The following ARHGAP15 variants were observed in gnomAD, a reference collection of about 807,000 sequenced individuals.
The protein encoded by ARHGAP15 is rho GTPase-activating protein 15.
ARHGAP15 carries 51 observed loss-of-function variants against 63.7 expected under a neutral mutation model. That is an observed-to-expected ratio of 0.80 (90% confidence interval 0.64 to 1.01). The LOEUF (loss-of-function observed/expected upper bound fraction) is 1.01, where lower values mean the gene tolerates loss of function less well. Ranked by LOEUF, ARHGAP15 falls within the 50% of genes least tolerant of loss-of-function variation. The pLI is 0.00. For synonymous variants in ARHGAP15, 191 were observed against 193.8 expected (o/e 0.99, Z 0.12); for missense variants, 560 against 564.6 (o/e 0.99, Z 0.08).
At chr2:143,371,581 G>T (rs559011373) in intron 6 of ARHGAP15, among the ~76,000 whole-genome samples, 1 of 152,118 alleles carries the variant, frequency 6.6e-6, no homozygotes, top group Non-Finnish European at 1.5e-5. Flanking sequence ...GTTTCATCTG[G>T]TTTGATTTGG....
At chr2:143,223,611 C>T (rs892695047) in intron 4 of ARHGAP15, among the ~76,000 whole-genome samples, 1 of 152,108 alleles carries the variant, frequency 6.6e-6, no homozygotes, top group Admixed American at 6.5e-5. Flanking sequence ...ATAAAGGGCT[C>T]GCAGTTCAGC....
Position 143,216,463 on chromosome 2 carries a change from T to C in ARHGAP15, c.296+18T>C. The C allele has an allele frequency of 6.4e-7, 1 of 1,551,366 alleles. No homozygotes were observed. Among genetic ancestry groups the C allele is most frequent in the Non-Finnish European group, 8.9e-7 (1 of 1,128,266 alleles). ...AAACTAAGGTAATAAAATTCTTTAA[T>C]TCACTTTTATATAACTATGCTGGTT... On this transcript the variant is annotated intron_variant, in intron 4 of 13. Transcript: ENST00000295095.
intron 1 of ARHGAP15, among the ~76,000 whole-genome samples, chr2:143,148,779 C>T (rs1405033120): frequency 6.6e-6 from 1 of 151,974 alleles, no homozygotes; most frequent in Non-Finnish European, 1.5e-5. Flanking sequence ...ATTTTTGAAA[C>T]TGAGTTTTAT....
chr2:143,286,176 A>T (rs1682088243), intron 6 of ARHGAP15, among the ~76,000 whole-genome samples: 2 of 152,184 alleles, frequency 1.3e-5, no homozygotes, highest in Admixed American at 1.3e-4. Context: ...CTTTTGTGAA[A>T]AGTGGTGTTA....
At chr2:143,756,608 T>C (rs1418576919) in intron 13 of ARHGAP15, among the ~76,000 whole-genome samples, 1 of 151,574 alleles carries the variant, frequency 6.6e-6, no homozygotes, top group Non-Finnish European at 1.5e-5. Context: ...TAAATGCAAA[T>C]GGCTAAAACC....
intron 12 of ARHGAP15, among the ~76,000 whole-genome samples, chr2:143,683,226 T>C (rs1354942164): frequency 6.6e-6 from 1 of 151,958 alleles, no homozygotes; most frequent in African/African-American, 2.4e-5. Flanking sequence ...CTATTATTCA[T>C]TTAAATTGAG....
intron 6 of ARHGAP15, among the ~76,000 whole-genome samples, chr2:143,272,677 T>C (rs2105056035): frequency 6.6e-6 from 1 of 152,102 alleles, no homozygotes; most frequent in African/African-American, 2.4e-5. Flanking sequence ...ATTCTAGAAA[T>C]GCATTAGCTG....
At position 143,306,966 on chromosome 2, in the gene ARHGAP15, A is replaced by T. The variant is rs543125542; in HGVS notation, c.474+56366A>T. ...CTGCTCAGGGTCTCACGAAGTTGCT[A>T]TGAAGTCGTCAGTGGGGCTGTGATC... On this transcript the variant is annotated intron_variant, in intron 6 of 13. Transcript: ENST00000295095. 4.6e-5 allele frequency among the ~76,000 whole-genome samples: 7 copies of T among 152,208 alleles called. No homozygotes were observed. The East Asian group carries it at 1.4e-3, about 29-fold the overall frequency.
At chr2:143,631,040 G>A (rs557291083) in intron 12 of ARHGAP15, among the ~76,000 whole-genome samples, 2 of 151,932 alleles carry the variant, frequency 1.3e-5, no homozygotes, top group African/African-American at 4.8e-5. Context: ...TGTCACTATC[G>A]ATACATTTAC....
intron 1 of ARHGAP15, among the ~76,000 whole-genome samples, chr2:143,152,728 A>G (rs1166446008): frequency 6.6e-6 from 1 of 152,014 alleles, no homozygotes; most frequent in African/African-American, 2.4e-5. Context: ...TAGAAGAACA[A>G]TTATGAAATA....
Position 143,693,556 on chromosome 2 carries a change from T to C in ARHGAP15, c.1139-9863T>C, listed in dbSNP as rs73961838. 5.1e-3 allele frequency among the ~76,000 whole-genome samples: 782 copies of C among 152,334 alleles called. 4 individuals carry two copies. Among genetic ancestry groups the C allele is most frequent in the African/African-American group, 0.018 (750 of 41,568 alleles). Reference sequence around the variant, plus strand: ...CAATCTTTTTAAAAGGGAGGATTTGTTCATTTTTTCTCCATGGTAAACAAC... The same window carrying C: ...CAATCTTTTTAAAAGGGAGGATTTGCTCATTTTTTCTCCATGGTAAACAAC... On this transcript the variant is annotated intron_variant, in intron 12 of 13. Coordinates refer to ENST00000295095, the MANE Select transcript of ARHGAP15 (RefSeq NM_018460.4).
chr2:143,481,770 G>A (rs745806889), intron 8 of ARHGAP15, among the ~76,000 whole-genome samples: 6 of 152,152 alleles, frequency 3.9e-5, no homozygotes, highest in Non-Finnish European at 7.3e-5. Context: ...CTTGTGTTGG[G>A]CTAATGCCTA....
intron 12 of ARHGAP15, among the ~76,000 whole-genome samples, chr2:143,700,714 A>G (rs1447125365): frequency 6.6e-6 from 1 of 152,190 alleles, no homozygotes. Flanking sequence ...ATACACACGC[A>G]TATATACACA....
intron 10 of ARHGAP15, among the ~76,000 whole-genome samples, chr2:143,549,096 T>C (rs1046097172): frequency 6.6e-6 from 1 of 152,178 alleles, no homozygotes; most frequent in Non-Finnish European, 1.5e-5. Flanking sequence ...TAAATATTCA[T>C]AGTTTAATCC....
intron 6 of ARHGAP15, among the ~76,000 whole-genome samples, chr2:143,369,243 T>C (rs1686435486): frequency 6.6e-6 from 1 of 152,160 alleles, no homozygotes; most frequent in Non-Finnish European, 1.5e-5. Flanking sequence ...TCAGTGATAC[T>C]TATGCTCTTC....
intron 6 of ARHGAP15, among the ~76,000 whole-genome samples, chr2:143,397,350 A>G (rs372932794): frequency 0.1 from 13,979 of 140,208 alleles, 789 homozygotes; most frequent in African/African-American, 0.17. Flanking sequence ...GTGTGTGTAT[A>G]TATATATCTC....
At chr2:143,488,755 C>T (rs906113503) in intron 9 of ARHGAP15, among the ~76,000 whole-genome samples, 7 of 152,188 alleles carry the variant, frequency 4.6e-5, no homozygotes, top group African/African-American at 1.4e-4. Flanking sequence ...GTGAACAGAT[C>T]TGAAAAATTA....
At chr2:143,404,791 T>C (rs1279880719) in intron 6 of ARHGAP15, among the ~76,000 whole-genome samples, 4 of 151,758 alleles carry the variant, frequency 2.6e-5, no homozygotes, top group Non-Finnish European at 4.4e-5. Flanking sequence ...TTAAGGAAAA[T>C]TGGTGAATTG....
intron 6 of ARHGAP15, among the ~76,000 whole-genome samples, chr2:143,358,754 T>G (rs1685914940): frequency 6.6e-6 from 1 of 151,840 alleles, no homozygotes; most frequent in Non-Finnish European, 1.5e-5. Flanking sequence ...TATAGTTGAT[T>G]TTTCTATATA....
Sources: gnomAD v4.1 joint callset for allele counts (sites outside exome capture counted in the v4.1 genomes callset) on GRCh38, gnomAD v4.1.1 for gene constraint, MANE v1.5 for transcripts, NCBI Gene and HGNC (gene_info 2026-07-23, HGNC 2026-07-21) for gene names.